The following ATG9B variants were observed in gnomAD, a reference collection of about 807,000 sequenced individuals.
ATG9B encodes autophagy-related protein 9B.
ATG9B carries 92 observed loss-of-function variants against 92.9 expected under a neutral mutation model. The ratio of observed to expected loss-of-function variants is 0.99; its 90% CI spans 0.84 to 1.18. The LOEUF is 1.18. Among genes scored for constraint, ATG9B ranks in the 50% most tolerant of loss-of-function variants. The pLI is 0.00. For synonymous variants in ATG9B, 599 were observed against 551.4 expected, an observed-to-expected ratio of 1.09 and a Z score of -1.21; for missense variants, 1,344 against 1,235.0, an observed-to-expected ratio of 1.09 and a Z score of -1.32.
At position 151,019,320 on chromosome 7, in the gene ATG9B, G is replaced by A. The variant is rs1795662204; in HGVS notation, c.1018C>T (p.Gln340Ter). Residue 340 changes from glutamine (Q) to a stop codon, truncating the protein, a stop_gained, in exon 6 of 14, where the codon CAG (glutamine) becomes TAG (stop). Transcript: ENST00000639579. LOFTEE classifies it high-confidence loss of function. Reference protein sequence around the residue: ...AEVQSRLLALQRSGGLCVQPR... With the variant: ...AEVQSRLLAL ...TGCACGCACAGGCCCCCGCTCCGCT[G>A]CAGTGCCAAGAGGCGGGACTGCACC... The A allele has an allele frequency of 6.4e-6, 10 of 1,574,636 alleles. No homozygotes were observed. Among genetic ancestry groups the A allele is most frequent in the Non-Finnish European group, 7.7e-6 (9 of 1,167,886 alleles).
downstream of ATG9B, chr7:151,012,775 G>C (rs552488106): frequency 2.4e-4 from 85 of 356,364 alleles, no homozygotes; most frequent in Admixed American, 2.9e-4. Flanking sequence ...ATTCTTGACT[G>C]TGCCAGAGCT....
intron 4 of ATG9B, among the ~76,000 whole-genome samples, chr7:151,022,341 G>A (rs1287002974): frequency 7.7e-6 from 1 of 129,054 alleles, no homozygotes; most frequent in Non-Finnish European, 1.7e-5. Context: ...TCACTTTGTT[G>A]CTCAGGCTGA....
chr7:151,017,442 T>C (rs1285981402), intron 8 of ATG9B, among the ~76,000 whole-genome samples, 170 bp from the exon 9 acceptor site: 1 of 152,168 alleles, frequency 6.6e-6, no homozygotes, highest in Non-Finnish European at 1.5e-5. Flanking sequence ...CTGTCATCTA[T>C]TCGTCACCCC....
Position 151,016,464 on chromosome 7 carries a change from G to T in ATG9B, c.2487C>A (p.Ala829=). ...KLAQLPELAS[A]EMSLHVIYLH... is the part of the protein sequence containing the mutation. ...GGTAGATGACATGGAGACTCATCTC[G>T]GCAGAAGCAAGTTCTGGGAGCTGGG... Residue 829 remains alanine (A), a synonymous_variant, in exon 11 of 14, where the codon GCC becomes GCA. Transcript: ENST00000639579. The T allele has an allele frequency of 4.5e-6, 7 of 1,551,414 alleles. No homozygotes were observed. Among genetic ancestry groups the T allele is most frequent in the South Asian group, 1.2e-5 (1 of 84,048 alleles).
Position 151,018,553 on chromosome 7 carries a change from G to A in ATG9B, c.1718+67C>T, listed in dbSNP as rs1444789490. 19 of 1,538,748 alleles carry A rather than the reference G, an allele frequency of 1.2e-5. No homozygotes were observed. Among genetic ancestry groups the A allele is most frequent in the Non-Finnish European group, 1.6e-5 (18 of 1,146,178 alleles). On this transcript the variant is annotated intron_variant, in intron 6 of 13. Transcript: ENST00000639579. This position sits in a 1 kb window ranked among gnomAD's most constrained non-coding sequence, Gnocchi z 4.7. ...GGTGGGAGAGGTAAGGATTCGGGGGGAACCTCACATGGCCCCAGATCAGAG... is the reference window on the plus strand; with the variant it reads ...GGTGGGAGAGGTAAGGATTCGGGGGAAACCTCACATGGCCCCAGATCAGAG...
chr7:151,018,009 C>A lies in ATG9B; in HGVS notation c.1914G>T (p.Pro638=). The A allele has an allele frequency of 6.2e-7, 1 of 1,601,786 alleles. No homozygotes were observed. The highest frequency in any genetic ancestry group is 8.5e-7 in the Non-Finnish European group (1 of 1,173,882). ...LEELLSPLLT[P]LFLLFWFRPR... Reference sequence around the variant, plus strand: ...GGCGGAACCAGAAAAGCAGAAACAGCGGGGTGAGGAGCGGGGACAGGAGCT... The same window carrying A: ...GGCGGAACCAGAAAAGCAGAAACAGAGGGGTGAGGAGCGGGGACAGGAGCT... Residue 638 remains proline (P), a synonymous_variant, in exon 8 of 14, where the codon CCG becomes CCT. Transcript: ENST00000639579. The surrounding 1 kb of genome is among the most constrained non-coding windows in gnomAD (Gnocchi z 4.7).
chr7:151,016,989 G>T, intron 9 of ATG9B, 47 bp downstream of exon 9: 1 of 1,542,808 alleles, frequency 6.5e-7, no homozygotes, highest in Non-Finnish European at 8.8e-7. Context: ...GTTTGGAGAG[G>T]AGTTGTGGGG....
intron 4 of ATG9B, among the ~76,000 whole-genome samples, chr7:151,022,836 TAA>T (rs5888425): frequency 0.014 from 2,130 of 148,208 alleles, 53 homozygotes; most frequent in African/African-American, 0.049. Flanking sequence ...AACTCTGTCT[TAA>T]AAAAAAAAAA....
At chr7:151,017,343 C>G in intron 8 of ATG9B, 71 bp from the exon 9 acceptor site, 2 of 1,398,852 alleles carry the variant, frequency 1.4e-6, no homozygotes, top group East Asian at 4.6e-5. Flanking sequence ...ACAGGAAACA[C>G]TGCCCCATCT....
At chr7:151,013,431 G>A (rs774208144), downstream of ATG9B, 5 of 1,563,784 alleles carry the variant, frequency 3.2e-6, no homozygotes, top group Non-Finnish European at 4.3e-6. Flanking sequence ...AGAGAGGGGA[G>A]GACTCGCGCT....
intron 3 of ATG9B, 111 bp from the exon 4 acceptor site, chr7:151,023,317 C>T: frequency 6.3e-7 from 1 of 1,597,696 alleles, no homozygotes; most frequent in South Asian, 1.1e-5. Flanking sequence ...GACCCTGCCC[C>T]TGCTGAGCCC....
chr7:151,012,790 G>C (rs917333045), downstream of ATG9B: 2 of 340,916 alleles, frequency 5.9e-6, no homozygotes, highest in Non-Finnish European at 5.5e-6. Flanking sequence ...AGAGCTGACC[G>C]AGGTCTGTCC....
Position 151,024,325 on chromosome 7 carries a change from T to A in ATG9B, c.99A>T (p.Pro33=). Residue 33 remains proline (P), a synonymous_variant, in exon 1 of 14, where the codon CCA becomes CCT. Transcript: ENST00000639579. The stretch of plus-strand genomic sequence containing the variant: ...CCCGGCATGAAGGAGGAGGAGGAGG[T>A]GGCAGTGGCATGGGGAGGAGGGGCA... The part of the protein sequence containing the change: ...GSVPLLPMPL[P]PPPPPSCRGP... 1 of 1,423,298 alleles carries A rather than the reference T, an allele frequency of 7.0e-7. No homozygotes were observed. Among genetic ancestry groups the A allele is most frequent in the Non-Finnish European group, 9.2e-7 (1 of 1,084,552 alleles). 88.2% of individuals were successfully genotyped at this position (1,423,298 alleles called of 1,614,324 possible).
At chr7:151,019,402 G>A in intron 5 of ATG9B, 28 bp from the exon 6 acceptor site, 3 of 1,498,808 alleles carry the variant, frequency 2.0e-6, no homozygotes, top group Non-Finnish European at 2.6e-6. Flanking sequence ...GAGAGCCAGC[G>A]ACCCCCCATT....
intron 5 of ATG9B, 176 bp downstream of exon 5, chr7:151,021,012 A>C: frequency 1.4e-6 from 1 of 698,278 alleles, no homozygotes; most frequent in Admixed American, 2.5e-5. Context: ...CATGCTCTCT[A>C]GGTGGTGGTA....
intron 2 of ATG9B, 82 bp from the exon 3 acceptor site, chr7:151,023,591 AC>A: frequency 6.2e-7 from 1 of 1,609,912 alleles, no homozygotes; most frequent in Non-Finnish European, 8.5e-7. Flanking sequence ...CAAGTCTCCC[AC>A]CCATGACGCC....
Position 151,018,910 on chromosome 7 carries a change from C to T in ATG9B, c.1428G>A (p.Leu476=), listed in dbSNP as rs763301530. 5 of 1,492,038 alleles carry T rather than the reference C, an allele frequency of 3.4e-6. No homozygotes were observed. Among genetic ancestry groups the T allele is most frequent in the Non-Finnish European group, 4.4e-6 (5 of 1,129,524 alleles). 92.4% of individuals were successfully genotyped at this position (1,492,038 alleles called of 1,614,324 possible). Residue 476 remains leucine, a synonymous_variant, in exon 6 of 14, where the codon CTG becomes CTA. Coordinates refer to ENST00000639579, the MANE Select transcript of ATG9B (RefSeq NM_001317056.2). The surrounding 1 kb of genome is among the most constrained non-coding windows in gnomAD (Gnocchi z 4.7). Reference sequence around the variant, plus strand: ...CCAGGCGGGACCAGCCGCGCGCCCCCAGCGCGCCAGGCTCGCGCCGCAGCA... The same window carrying T: ...CCAGGCGGGACCAGCCGCGCGCCCCTAGCGCGCCAGGCTCGCGCCGCAGCA... The part of the protein sequence containing the change: ...VELLRREPGA[L]GARGWSRLAR...
At chr7:151,015,760 CCA>C in intron 13 of ATG9B, 47 bp from the exon 14 acceptor site, 1 of 1,341,696 alleles carries the variant, frequency 7.5e-7, no homozygotes, top group Non-Finnish European at 9.9e-7. Flanking sequence ...GGTCTAGATT[CCA>C]GAGATGACCA....
chr7:151,024,465 G>A lies in ATG9B; in HGVS notation c.-42C>T. On this transcript the variant is annotated 5_prime_UTR_variant, in exon 1 of 14. Transcript: ENST00000639579. ...CAGAAAGGTTGGAAGGATGGGAGCT[G>A]TTGTTGCTTCCACAAAGGTCTGTGA... The A allele has an allele frequency of 4.7e-6, 6 of 1,282,742 alleles. No homozygotes were observed. The highest frequency in any genetic ancestry group is 6.0e-6 in the Non-Finnish European group (6 of 1,003,698). 79.5% of individuals were successfully genotyped at this position (1,282,742 alleles called of 1,614,324 possible). A position where few individuals can be genotyped will look rare whatever the true frequency, so the allele number is the denominator to read the frequency against.
Sources: allele counts gnomAD v4.1 joint callset (sites outside exome capture counted in the v4.1 genomes callset), GRCh38; gene constraint gnomAD v4.1.1; non-coding constraint Gnocchi (gnomAD v3.1); transcripts MANE v1.5; gene names NCBI Gene and HGNC (gene_info 2026-07-23, HGNC 2026-07-21).